ATAD2: variants seen among roughly 807,000 people sequenced by gnomAD.
The protein encoded by ATAD2 is ATPase family AAA domain containing 2, also known as ATPase family AAA domain-containing protein 2.
In ATAD2, 62 loss-of-function variants were observed where a neutral mutation model predicts 168.9. That is an observed-to-expected ratio of 0.37 (90% confidence interval 0.30 to 0.45). ATAD2 has a LOEUF of 0.45. Ranked by LOEUF, ATAD2 falls within the 20% of genes least tolerant of loss-of-function variation. The probability of loss-of-function intolerance (pLI) is 1.00; values close to 1 mark genes in which losing one functional copy is unlikely to be tolerated. For missense variants in ATAD2, 1,419 were observed against 1,667.8 expected (o/e 0.85, Z 2.60); for synonymous variants, 613 against 571.6 (o/e 1.07, Z -1.03).
intron 2 of ATAD2, 112 bp downstream of exon 2, chr8:123,380,417 T>C: frequency 9.0e-7 from 1 of 1,110,082 alleles, no homozygotes; most frequent in South Asian, 1.4e-5. Context: ...AACTACATTT[T>C]ATAGCCCTAG....
At chr8:123,389,719 C>G (rs1829760786) in intron 1 of ATAD2, among the ~76,000 whole-genome samples, 1 of 151,416 alleles carries the variant, frequency 6.6e-6, no homozygotes, top group Non-Finnish European at 1.5e-5. Flanking sequence ...TCCCTGTGTT[C>G]AAACAACTCT....
intron 11 of ATAD2, 114 bp from the exon 12 acceptor site, chr8:123,357,850 C>T (rs1375667329): frequency 9.3e-7 from 1 of 1,076,480 alleles, no homozygotes; most frequent in Non-Finnish European, 1.3e-6. Flanking sequence ...ATGTGTAAGA[C>T]AACTGAATTA....
At chr8:123,328,622 A>G in intron 24 of ATAD2, 43 bp from the exon 25 acceptor site, 2 of 1,489,074 alleles carry the variant, frequency 1.3e-6, no homozygotes, top group Non-Finnish European at 1.8e-6. Flanking sequence ...ACATTCAACC[A>G]TTTTCTGAAA....
At chr8:123,364,259 G>A (rs984045838) in intron 8 of ATAD2, among the ~76,000 whole-genome samples, 3 of 152,090 alleles carry the variant, frequency 2.0e-5, no homozygotes, top group South Asian at 2.1e-4. Flanking sequence ...GCCAAAGGCC[G>A]CTAATAACTA....
In ATAD2 at chr8:123,358,849, G is replaced by A. The variant is rs922793953; in HGVS notation, c.1382+372C>T. Among the ~76,000 whole-genome samples the A allele has an allele frequency of 3.4e-5, 5 of 148,974 alleles. No homozygotes were observed. The South Asian group carries it at 8.6e-4, about 26-fold the overall frequency. On this transcript the variant is annotated intron_variant, in intron 11 of 27. Transcript: ENST00000287394. ...TGGGTTCAAGCAATTGTGCCTCAGC[G>A]CACGCCGCCAGGCCTGGCTAATTTT...
intron 1 of ATAD2, among the ~76,000 whole-genome samples, chr8:123,391,269 T>TA (rs1196064251): frequency 6.6e-6 from 1 of 151,266 alleles, no homozygotes; most frequent in Admixed American, 6.6e-5. Context: ...ATAGAAGTTT[T>TA]AAAAAAACAA....
At chr8:123,408,072 G>A (rs913278021) in intron 1 of ATAD2, among the ~76,000 whole-genome samples, 2 of 152,082 alleles carry the variant, frequency 1.3e-5, no homozygotes, top group African/African-American at 4.8e-5. Context: ...TTTCTTTTAG[G>A]AATGTTGCAA....
intron 2 of ATAD2, among the ~76,000 whole-genome samples, chr8:123,378,701 C>CAA (rs71808201): frequency 0.63 from 46,327 of 73,026 alleles, 15,918 homozygotes; most frequent in East Asian, 0.8. Context: ...GACTGTGTCT[C>CAA]AAAAAAAAAA....
chr8:123,351,894 C>G (rs1313126649), intron 13 of ATAD2, among the ~76,000 whole-genome samples: 1 of 152,018 alleles, frequency 6.6e-6, no homozygotes, highest in African/African-American at 2.4e-5. Context: ...ACTACAGGCA[C>G]CTGCCACCAT....
chr8:123,363,681 T>C (rs1828885476), intron 8 of ATAD2, among the ~76,000 whole-genome samples: 1 of 152,210 alleles, frequency 6.6e-6, no homozygotes, highest in Non-Finnish European at 1.5e-5. Context: ...TAATTTTATG[T>C]GAACTCACTA....
At chr8:123,369,775 A>G in intron 7 of ATAD2, 46 bp downstream of exon 7, 1 of 1,438,246 alleles carries the variant, frequency 7.0e-7, no homozygotes, top group Non-Finnish European at 9.6e-7. Context: ...GGAAATATAA[A>G]GCTAATATAA....
At chr8:123,413,226 C>CT (rs1491074557) in intron 1 of ATAD2, among the ~76,000 whole-genome samples, 1 of 5,128 alleles carries the variant, frequency 2.0e-4, no homozygotes, top group Non-Finnish European at 2.7e-4. Flanking sequence ...TAATGAGCGC[C>CT]CCCCCCCCCC....
chr8:123,334,236 G>C lies in ATAD2; in HGVS notation c.3298C>G (p.Leu1100Val). ...KEELDEDFEQ[L>V]CEEIQESRKK... ...CTAGATTCCTGAATTTCTTCACAGAGCTGCTCAAAGTCTTCATCAAGTTCT... is the reference window on the plus strand; with the variant it reads ...CTAGATTCCTGAATTTCTTCACAGACCTGCTCAAAGTCTTCATCAAGTTCT... The change falls in exon 23 of 28, where the codon CTC (leucine) becomes GTC (valine). Residue 1100 changes from leucine to valine, a missense_variant. Physicochemically the swap from Leu to Val is conservative, Grantham distance 32. This residue lies in a region of ATAD2 where 545 missense variants were observed against 724.9 expected (regional missense o/e 0.75). Coordinates refer to ENST00000287394, the MANE Select transcript of ATAD2 (RefSeq NM_014109.4). The C allele has an allele frequency of 6.2e-7, 1 of 1,602,356 alleles. No homozygotes were observed. Among genetic ancestry groups the C allele is most frequent in the South Asian group, 1.1e-5 (1 of 88,102 alleles).
rs143254613 is a variant in ATAD2 at position 123,347,311 on chromosome 8, G to A, written c.1993C>T (p.Leu665=). 23 of 1,613,970 alleles carry A rather than the reference G, an allele frequency of 1.4e-5. No individual in the cohort carries two copies. The African/African-American group carries it at 2.7e-4, about 19-fold the overall frequency. ...TTAATTGAAGAGAGATCCAACTGCA[G>A]TTTCTCACTAGTGGTATAGATCTGT... The part of the protein sequence containing the change: ...YPQIYTTSEK[L]QLDLSSINIS... Residue 665 remains leucine, a synonymous_variant, in exon 16 of 28, where the codon CTG becomes TTG. Transcript: ENST00000287394.
intron 24 of ATAD2, among the ~76,000 whole-genome samples, chr8:123,330,778 A>G (rs1827756518): frequency 6.6e-6 from 1 of 152,210 alleles, no homozygotes; most frequent in South Asian, 2.1e-4. Context: ...GAATTGTATT[A>G]GAGTCTACAG....
intron 8 of ATAD2, among the ~76,000 whole-genome samples, chr8:123,367,332 G>A (rs575077637): frequency 6.6e-6 from 1 of 152,188 alleles, no homozygotes; most frequent in Admixed American, 6.5e-5. Flanking sequence ...CAGAAGAATC[G>A]CTTGAACCCA....
chr8:123,337,998 A>G (rs2131302830), intron 20 of ATAD2, among the ~76,000 whole-genome samples, 177 bp from the exon 21 acceptor site: 1 of 152,318 alleles, frequency 6.6e-6, no homozygotes, highest in South Asian at 2.1e-4. Flanking sequence ...CCCTCCAGAA[A>G]TCATTAGTAA....
chr8:123,398,857 A>C (rs560755353), upstream of ATAD2, among the ~76,000 whole-genome samples: 161 of 152,268 alleles, frequency 1.1e-3, 3 homozygotes, highest in Non-Finnish European at 2.0e-3. Context: ...ATAGAAAAAA[A>C]CTTTAAAATA....
intron 24 of ATAD2, among the ~76,000 whole-genome samples, chr8:123,331,586 C>T (rs1013364986): frequency 3.9e-5 from 6 of 152,154 alleles, no homozygotes; most frequent in African/African-American, 1.4e-4. Context: ...ATTCATTTGT[C>T]TTGAAAGGGC....
Sources: allele counts gnomAD v4.1 joint callset (sites outside exome capture counted in the v4.1 genomes callset), GRCh38; gene constraint gnomAD v4.1.1; regional missense constraint gnomAD v4.1.1; transcripts MANE v1.5; gene names NCBI Gene and HGNC (gene_info 2026-07-23, HGNC 2026-07-21).